Variants in LUZP1 observed in about 807,000 individuals in gnomAD.
LUZP1 encodes the protein filamin mechanobinding actin cross-linking protein.
Under a neutral mutation model 71.3 loss-of-function variants are expected in LUZP1, and 25 were observed. That is an observed-to-expected ratio of 0.35 (90% CI 0.26 to 0.49). The LOEUF (loss-of-function observed/expected upper bound fraction) is 0.49. Among genes scored for constraint, LUZP1 ranks in the 20% least tolerant of loss-of-function variants. LUZP1 has a pLI of 0.99. For synonymous variants in LUZP1, 481 were observed against 506.4 expected, an observed-to-expected ratio of 0.95 and a Z score of 0.67; for missense variants, 1,142 against 1,300.8, an observed-to-expected ratio of 0.88 and a Z score of 1.88.
At chr1:23,136,037 C>T (rs1644250524) in intron 2 of LUZP1, among the ~76,000 whole-genome samples, 2 of 151,994 alleles carry the variant, frequency 1.3e-5, no homozygotes, top group South Asian at 4.1e-4. Context: ...TAGTAGACAC[C>T]CAGCAAATAG....
chr1:23,087,126 G>T (rs936879926), exon 5 of LUZP1: 2 of 152,156 alleles, frequency 1.3e-5, no homozygotes, highest in East Asian at 1.9e-4. Context: ...CTCCTAGAAC[G>T]CCAGGAGATA....
chr1:23,107,249 C>T (rs1013134335), intron 3 of LUZP1, among the ~76,000 whole-genome samples: 15 of 152,208 alleles, frequency 9.9e-5, no homozygotes, highest in African/African-American at 3.4e-4. Flanking sequence ...ACCACTATCA[C>T]CTTACGCTGC....
intron 2 of LUZP1, among the ~76,000 whole-genome samples, chr1:23,129,612 T>G (rs960506060): frequency 1.3e-5 from 2 of 152,052 alleles, no homozygotes; most frequent in Non-Finnish European, 2.9e-5. Context: ...GACAATGAAC[T>G]TCAGAATCTT....
chr1:23,137,188 CAG>C (rs1278036537), intron 2 of LUZP1, among the ~76,000 whole-genome samples: 6 of 152,138 alleles, frequency 3.9e-5, no homozygotes, highest in African/African-American at 1.2e-4. Context: ...CCAGAATATA[CAG>C]AGAGATACAG....
At chr1:23,156,650 G>A (rs937093795) in intron 2 of LUZP1, among the ~76,000 whole-genome samples, 1 of 151,326 alleles carries the variant, frequency 6.6e-6, no homozygotes, top group African/African-American at 2.4e-5. Flanking sequence ...TTTTATAGAG[G>A]TTTCAGCACT....
chr1:23,127,484 G>A (rs1431883243), intron 2 of LUZP1, among the ~76,000 whole-genome samples: 2 of 152,166 alleles, frequency 1.3e-5, no homozygotes, highest in Non-Finnish European at 2.9e-5. Flanking sequence ...ATCTGTCTAG[G>A]ATCAAATTCT....
At chr1:23,101,570 T>C (rs2124619123) in intron 3 of LUZP1, among the ~76,000 whole-genome samples, 1 of 152,316 alleles carries the variant, frequency 6.6e-6, no homozygotes, top group Admixed American at 6.5e-5. Context: ...GCAAAAGCAC[T>C]TTGAAAAGTC....
chr1:23,104,320 G>T (rs1485057213), intron 3 of LUZP1, among the ~76,000 whole-genome samples: 1 of 151,854 alleles, frequency 6.6e-6, no homozygotes, highest in Non-Finnish European at 1.5e-5. Context: ...GAGTAGCTGG[G>T]ATTACAGGTG....
chr1:23,107,694 C>T (rs1433935186), intron 3 of LUZP1, among the ~76,000 whole-genome samples: 1 of 152,042 alleles, frequency 6.6e-6, no homozygotes, highest in Non-Finnish European at 1.5e-5. Context: ...CCCAGCTACT[C>T]GGGAGGCTGA....
exon 5 of LUZP1, chr1:23,088,026 T>C (rs1643792421): frequency 1.3e-5 from 2 of 152,750 alleles, no homozygotes; most frequent in Admixed American, 6.5e-5. Flanking sequence ...AGGCAGAGGA[T>C]GCTGGGTCAG....
intron 2 of LUZP1, among the ~76,000 whole-genome samples, chr1:23,144,344 T>C (rs1252818503): frequency 6.6e-6 from 1 of 152,096 alleles, no homozygotes; most frequent in African/African-American, 2.4e-5. Context: ...AGATATCAAG[T>C]GGCATAAGGC....
chr1:23,117,507 TGG>T (rs1215139251), intron 2 of LUZP1, among the ~76,000 whole-genome samples: 4,446 of 23,066 alleles, frequency 0.19, 386 homozygotes, highest in Non-Finnish European at 0.22. Flanking sequence ...CAGGAAGCCC[TGG>T]GGGGGGGGGC....
intron 2 of LUZP1, among the ~76,000 whole-genome samples, chr1:23,155,015 G>T (rs1390326557): frequency 1.3e-4 from 19 of 151,916 alleles, no homozygotes; most frequent in Admixed American, 1.2e-3. Context: ...AAGTCCTCAA[G>T]TTCCTACAGA....
At chr1:23,149,078 C>T (rs1644363573) in intron 2 of LUZP1, among the ~76,000 whole-genome samples, 1 of 65,460 alleles carries the variant, frequency 1.5e-5, no homozygotes, top group Admixed American at 2.2e-4. Flanking sequence ...GACACCTTGC[C>T]TAAAAAAAAA....
intron 2 of LUZP1, among the ~76,000 whole-genome samples, chr1:23,126,198 G>A (rs1644170769): frequency 6.6e-6 from 1 of 152,146 alleles, no homozygotes. Flanking sequence ...AACTGTACCA[G>A]ACCCACTCCC....
intron 2 of LUZP1, among the ~76,000 whole-genome samples, chr1:23,142,749 ACAG>A (rs1644315203): frequency 1.4e-5 from 2 of 145,978 alleles, no homozygotes; most frequent in Non-Finnish European, 3.0e-5. Flanking sequence ...ACACACACAC[ACAG>A]ATTTTTGACA....
chr1:23,106,650 C>A (rs1643984750), intron 3 of LUZP1, among the ~76,000 whole-genome samples: 1 of 152,046 alleles, frequency 6.6e-6, no homozygotes, highest in Non-Finnish European at 1.5e-5. Context: ...TCAAACAGGT[C>A]TATGGGGAGA....
chr1:23,158,706 CGTT>C (rs1315827438), intron 2 of LUZP1, among the ~76,000 whole-genome samples: 1 of 138,656 alleles, frequency 7.2e-6, no homozygotes, highest in African/African-American at 2.7e-5. Context: ...GTGGCTCATG[CGTT>C]TAATCCCAGC....
chr1:23,138,997 C>CAAAAAAAAAAAAAAAAA (rs535524035), intron 2 of LUZP1, among the ~76,000 whole-genome samples: 2 of 21,582 alleles, frequency 9.3e-5, no homozygotes, highest in African/African-American at 3.7e-4. Flanking sequence ...GACTCCATCT[C>CAAAAAAAAAAAAAAAAA]AAAAAAAAAA....
Sources: allele counts gnomAD v4.1 joint callset (sites outside exome capture counted in the v4.1 genomes callset), GRCh38; gene constraint gnomAD v4.1.1; transcripts MANE v1.5; gene names NCBI Gene and HGNC (gene_info 2026-07-23, HGNC 2026-07-21).